GBP5: variants seen among roughly 807,000 people sequenced by gnomAD.
GBP5 encodes guanylate binding protein 5.
A neutral mutation model predicts 58.2 loss-of-function variants in GBP5; 48 were observed. That is an observed-to-expected ratio of 0.83 (90% CI 0.65 to 1.05). The LOEUF is 1.05. Ranked by LOEUF, GBP5 falls within the 50% of genes least tolerant of loss-of-function variation. The pLI, the probability that GBP5 is intolerant of heterozygous loss-of-function variation, is 0.00. For missense variants in GBP5, 714 were observed against 686.8 expected (o/e 1.04, Z -0.44); for synonymous variants, 248 against 251.8 (o/e 0.98, Z 0.14).
chr1:89,267,217 T>C (rs926184358), intron 5 of GBP5, 64 bp from the exon 6 acceptor site: 17 of 1,371,984 alleles, frequency 1.2e-5, no homozygotes, highest in African/African-American at 2.9e-5. Flanking sequence ...CTTAATTCCA[T>C]TTTCCCCCAA....
chr1:89,270,754 C>A lies in GBP5; in HGVS notation c.-20+1G>T, dbSNP rs1477146088. On this transcript the variant is annotated splice_donor_variant, in intron 2 of 11. Transcript: ENST00000370459. LOFTEE classifies it low-confidence loss of function (5UTR_SPLICE). ...ATCTATTTTCAATGTAGTATTAGTACCTTATATATGTAGAATTCTGGTTGC... is the reference window on the plus strand; with the variant it reads ...ATCTATTTTCAATGTAGTATTAGTAACTTATATATGTAGAATTCTGGTTGC... 1 of 152,094 alleles carries A rather than the reference C, an allele frequency of 6.6e-6. No individual in the cohort carries two copies. The highest frequency in any genetic ancestry group is 2.4e-5 in the African/African-American group (1 of 41,404). The allele number at this position is 152,094 out of a possible 1,614,324, so 9.4% of individuals were successfully genotyped here.
chr1:89,266,718 CA>C, intron 6 of GBP5, 130 bp from the exon 7 acceptor site: 1 of 915,874 alleles, frequency 1.1e-6, no homozygotes, highest in Non-Finnish European at 1.6e-6. Flanking sequence ...AAGTAAAAAG[CA>C]AAATGGTAAC....
Position 89,262,294 on chromosome 1 carries a change from G to A in GBP5, c.1573C>T (p.Gln525Ter). Reference sequence around the variant, plus strand: ...TTGGCTATCTCCATTTGTCTCACTTGTTCCTGATGGAGTCTCTCCCTCTCC... The same window carrying A: ...TTGGCTATCTCCATTTGTCTCACTTATTCCTGATGGAGTCTCTCCCTCTCC... ...MQERERLHQE[Q>*]VRQMEIAKQN... Residue 525 changes from glutamine to a stop codon, truncating the protein, a stop_gained, in exon 11 of 12, where the codon CAA (glutamine) becomes TAA (stop). Transcript: ENST00000370459. LOFTEE classifies it high-confidence loss of function. 1.2e-6 allele frequency: 2 copies of A among 1,614,144 alleles called. No individual in the cohort carries two copies. Among genetic ancestry groups the A allele is most frequent in the African/African-American group, 1.3e-5 (1 of 75,036 alleles).
intron 9 of GBP5, chr1:89,263,420 A>G: frequency 4.1e-6 from 1 of 245,284 alleles, no homozygotes; most frequent in East Asian, 8.0e-5. Flanking sequence ...GTTAGTTTCA[A>G]GTATTGGCAT....
chr1:89,271,686 A>G (rs1650460418), intron 1 of GBP5: 1 of 152,250 alleles, frequency 6.6e-6, no homozygotes, highest in South Asian at 2.1e-4. Context: ...ATATAAATGG[A>G]AATCAAACTA....
intron 6 of GBP5, 109 bp downstream of exon 6, chr1:89,266,848 G>T: frequency 2.9e-6 from 2 of 689,908 alleles, no homozygotes; most frequent in Non-Finnish European, 4.6e-6. Flanking sequence ...AGGAGAGCTG[G>T]GTGAATATAT....
chr1:89,264,267 C>A (rs11587221), intron 8 of GBP5, among the ~76,000 whole-genome samples: 1 of 152,030 alleles, frequency 6.6e-6, no homozygotes, highest in African/African-American at 2.4e-5. Context: ...CAGTGTTTTA[C>A]TCGGGATTTC....
At chr1:89,268,618 G>T in intron 4 of GBP5, 111 bp downstream of exon 4, 2 of 1,007,096 alleles carry the variant, frequency 2.0e-6, no homozygotes, top group East Asian at 2.4e-5. Flanking sequence ...GAAAACAATG[G>T]GGGTATACAT....
Position 89,267,255 on chromosome 1 carries a change from C to T in GBP5, c.429-102G>A, listed in dbSNP as rs1008950075. 23 of 1,068,936 alleles carry T rather than the reference C, an allele frequency of 2.2e-5. No homozygotes were observed. The Admixed American group carries it at 3.1e-4, about 14-fold the overall frequency. The allele number at this position is 1,068,936 out of a possible 1,614,324, so 66.2% of individuals were successfully genotyped here. On this transcript the variant is annotated intron_variant, in intron 5 of 11. Transcript: ENST00000370459. ...CTTTATTTTCCCCTACGAGTCTTAA[C>T]CAAATCATCATTTTATCAGTAAATA...
Position 89,260,746 on chromosome 1 carries a change from G to A in GBP5, c.1719C>T (p.Ala573=), listed in dbSNP as rs762867596. ...GATCATCGTTATTAACAGTCCTCTGGGCGTGCTGGAGCTCACTGAGAAGGC... is the reference window on the plus strand; with the variant it reads ...GATCATCGTTATTAACAGTCCTCTGAGCGTGCTGGAGCTCACTGAGAAGGC... ...NRSLLSELQH[A]QRTVNNDDPC... is the part of the protein sequence containing the mutation. The change falls in exon 12 of 12, where the codon GCC becomes GCT. Residue 573 remains alanine, a synonymous_variant. Transcript: ENST00000370459. The A allele has an allele frequency of 6.2e-7, 1 of 1,613,876 alleles. No individual in the cohort carries two copies. The highest frequency in any genetic ancestry group is 8.5e-7 in the Non-Finnish European group (1 of 1,179,864).
At chr1:89,268,580 C>T in intron 4 of GBP5, 149 bp downstream of exon 4, 1 of 778,470 alleles carries the variant, frequency 1.3e-6, no homozygotes, top group Non-Finnish European at 2.1e-6. Flanking sequence ...TGTCAGGCTT[C>T]CAAACTCTGA....
In GBP5 at chr1:89,266,461, C is replaced by T; in HGVS notation, c.753G>A (p.Leu251=). The T allele has an allele frequency of 6.2e-7, 1 of 1,614,124 alleles. No homozygotes were observed. Among genetic ancestry groups the T allele is most frequent in the Non-Finnish European group, 8.5e-7 (1 of 1,180,006 alleles). ...ATTCAGGCTCTAGCTCATCATCAGG[C>T]AGTGTTTCAAGTTGGGCAAGCTTTT... ...HQKKLAQLET[L]PDDELEPEFV... is the part of the protein sequence containing the mutation. Residue 251 remains leucine (L), a synonymous_variant, in exon 7 of 12, where the codon CTG becomes CTA. Coordinates refer to ENST00000370459, the MANE Select transcript of GBP5 (RefSeq NM_052942.5).
In GBP5 at chr1:89,260,715, C is replaced by T. The variant is rs147711448; in HGVS notation, c.1750G>A (p.Val584Ile). The part of the protein sequence containing the change: ...QRTVNNDDPC[V>I]LL ...CCATATTTAGCACTTTAGAGTAAAA[C>T]ACATGGATCATCGTTATTAACAGTC... The change falls in exon 12 of 12, where the codon GTT becomes ATT. Residue 584 changes from valine (V) to isoleucine (I), a missense_variant. Transcript: ENST00000370459. 1.7e-4 allele frequency: 267 copies of T among 1,610,524 alleles called. No homozygotes were observed. The highest frequency in any genetic ancestry group is 2.1e-4 in the Non-Finnish European group (248 of 1,176,916).
chr1:89,266,374 A>G lies in GBP5; in HGVS notation c.840T>C (p.Leu280=). 5 of 1,613,334 alleles carry G rather than the reference A, an allele frequency of 3.1e-6. No individual in the cohort carries two copies. In the South Asian group the frequency reaches 5.5e-5, roughly 18 times the overall value. ...YIFSHSMTKT[L]PGGIMVNGSR... ...ATCCATTGACCATGATGCCACCTGG[A>G]AGAGTCTTGGTCATAGAATGGCTAA... is the stretch of plus-strand genomic sequence containing the variant. Residue 280 remains leucine (L), a synonymous_variant, in exon 7 of 12, where the codon CTT becomes CTC. Transcript: ENST00000370459.
Position 89,256,652 on chromosome 1 carries a change from T to A in GBP5, c.*4052A>T, listed in dbSNP as rs890029870. 1.3e-5 allele frequency among the ~76,000 whole-genome samples: 2 copies of A among 152,206 alleles called. No individual in the cohort carries two copies. The highest frequency in any genetic ancestry group is 6.5e-5 in the Admixed American group (1 of 15,280). On this transcript the variant is annotated 3_prime_UTR_variant, in exon 12 of 12. Transcript: ENST00000370459. ...GAGATTTCAAGAGTTTTGAGTCACA[T>A]TTAGAAAGGCCCTCTCCTCTACAGG...
chr1:89,258,750 A>G lies in GBP5; in HGVS notation c.*1954T>C, dbSNP rs1410872624. ...AAGTACTTATAAGGGAGAAAAACAG[A>G]GCTTTGTGTAATGTTTCTATAATTT... On this transcript the variant is annotated 3_prime_UTR_variant, in exon 12 of 12. Transcript: ENST00000370459. 1.3e-5 allele frequency among the ~76,000 whole-genome samples: 2 copies of G among 152,198 alleles called. No individual in the cohort carries two copies. Among genetic ancestry groups the G allele is most frequent in the Non-Finnish European group, 2.9e-5 (2 of 68,036 alleles).
chr1:89,266,506 A>T lies in GBP5; in HGVS notation c.708T>A (p.Phe236Leu), dbSNP rs1344327648. 2 of 1,614,056 alleles carry T rather than the reference A, an allele frequency of 1.2e-6. No homozygotes were observed. Among genetic ancestry groups the T allele is most frequent in the Non-Finnish European group, 1.7e-6 (2 of 1,180,012 alleles). ...KFFPKKKCFIFDLPAHQKKLA... is the reference protein window; with the variant it reads ...KFFPKKKCFILDLPAHQKKLA... ...GCTTTTTTTGGTGAGCAGGTAAGTC[A>T]AAGATAAAGCATTTCTTTTTTGGAA... Residue 236 changes from phenylalanine (F) to leucine (L), a missense_variant, in exon 7 of 12, where the codon TTT becomes TTA. Physicochemically the swap from Phe to Leu is conservative, Grantham distance 22. Coordinates refer to ENST00000370459, the MANE Select transcript of GBP5 (RefSeq NM_052942.5).
At chr1:89,271,089 A>G (rs1038728523) in intron 1 of GBP5, 2 of 152,196 alleles carry the variant, frequency 1.3e-5, no homozygotes, top group Admixed American at 6.5e-5. Context: ...AGTAAAGCCA[A>G]ATTTCTAAAA....
At chr1:89,261,442 C>T (rs1650001931) in intron 11 of GBP5, among the ~76,000 whole-genome samples, 1 of 152,130 alleles carries the variant, frequency 6.6e-6, no homozygotes, top group South Asian at 2.1e-4. Context: ...AATTTTACAC[C>T]AGGTCTGAAG....
Sources: gnomAD v4.1 joint callset for allele counts (sites outside exome capture counted in the v4.1 genomes callset) on GRCh38, gnomAD v4.1.1 for gene constraint, MANE v1.5 for transcripts, NCBI Gene and HGNC (gene_info 2026-07-23, HGNC 2026-07-21) for gene names.